The following PTPRD variants were observed in gnomAD, a reference collection of about 807,000 sequenced individuals.
The protein encoded by PTPRD is receptor-type tyrosine-protein phosphatase delta.
A neutral mutation model predicts 214.5 loss-of-function variants in PTPRD; 34 were observed. The ratio of observed to expected loss-of-function variants is 0.16; its 90% CI spans 0.12 to 0.21. The LOEUF (loss-of-function observed/expected upper bound fraction) is 0.21. Among genes scored for constraint, PTPRD ranks in the 10% least tolerant of loss-of-function variants. The pLI is 1.00. For missense variants in PTPRD, 2,545 were observed against 2,398.7 expected, an observed-to-expected ratio of 1.06 and a Z score of -1.27; for synonymous variants, 1,128 against 845.7, an observed-to-expected ratio of 1.33 and a Z score of -5.79.
intron 9 of PTPRD, among the ~76,000 whole-genome samples, chr9:9,243,738 G>A (rs1446270867): frequency 6.6e-6 from 1 of 152,152 alleles, no homozygotes; most frequent in Non-Finnish European, 1.5e-5. Context: ...ACAAGACAGG[G>A]ATGCCCTCTC....
chr9:8,981,908 G>A (rs2099314608), intron 11 of PTPRD, among the ~76,000 whole-genome samples: 1 of 151,924 alleles, frequency 6.6e-6, no homozygotes, highest in Admixed American at 6.6e-5. Flanking sequence ...TTTGTTGTTT[G>A]GAATCTCTTT....
At chr9:9,525,855 C>T (rs2074006198) in intron 8 of PTPRD, among the ~76,000 whole-genome samples, 1 of 151,262 alleles carries the variant, frequency 6.6e-6, no homozygotes, top group Non-Finnish European at 1.5e-5. Flanking sequence ...GTGTCAAACA[C>T]AACTTGACTG....
intron 11 of PTPRD, among the ~76,000 whole-genome samples, chr9:8,788,696 A>G (rs954302994): frequency 1.3e-5 from 2 of 152,360 alleles, no homozygotes; most frequent in South Asian, 4.1e-4. Flanking sequence ...CGAATCAGCC[A>G]TAACTGTTTT....
At chr9:10,237,654 C>T (rs933044500) in intron 3 of PTPRD, among the ~76,000 whole-genome samples, 4 of 151,876 alleles carry the variant, frequency 2.6e-5, no homozygotes, top group Non-Finnish European at 5.9e-5. Context: ...TTCCTTGACC[C>T]TCCTCTTCCT....
chr9:8,382,416 T>C (rs187016402), intron 37 of PTPRD, among the ~76,000 whole-genome samples: 2 of 152,262 alleles, frequency 1.3e-5, no homozygotes, highest in African/African-American at 2.4e-5. Flanking sequence ...AGGAGCAAAG[T>C]TGCATCTCCT....
chr9:10,396,678 G>C (rs1165878675), intron 2 of PTPRD, among the ~76,000 whole-genome samples: 1 of 151,936 alleles, frequency 6.6e-6, no homozygotes, highest in East Asian at 1.9e-4. Flanking sequence ...AATGAGATTT[G>C]GGAAATAACT....
At chr9:9,244,924 T>A (rs893369474) in intron 9 of PTPRD, among the ~76,000 whole-genome samples, 4 of 151,962 alleles carry the variant, frequency 2.6e-5, no homozygotes, top group Admixed American at 1.3e-4. Flanking sequence ...TACAAAGAAC[T>A]CAAACAAATG....
At chr9:8,962,045 TC>T (rs2099161408) in intron 11 of PTPRD, 1 of 152,300 alleles carries the variant, frequency 6.6e-6, no homozygotes, top group East Asian at 1.9e-4. Context: ...ACATGGGTTC[TC>T]ATAAAGTATC....
At chr9:10,502,950 C>G (rs1209616562) in intron 2 of PTPRD, among the ~76,000 whole-genome samples, 1 of 151,946 alleles carries the variant, frequency 6.6e-6, no homozygotes, top group Non-Finnish European at 1.5e-5. Flanking sequence ...GATTCAGTAT[C>G]TGTATTCTTT....
intron 8 of PTPRD, among the ~76,000 whole-genome samples, chr9:9,533,131 ATTTC>A (rs1569569066): frequency 6.6e-6 from 1 of 152,054 alleles, no homozygotes; most frequent in African/African-American, 2.4e-5. Flanking sequence ...TTGTTTATAT[ATTTC>A]TTTCTCTTGA....
At chr9:10,294,420 T>G (rs2095616446) in intron 3 of PTPRD, among the ~76,000 whole-genome samples, 1 of 151,938 alleles carries the variant, frequency 6.6e-6, no homozygotes, top group Non-Finnish European at 1.5e-5. Flanking sequence ...TTAAAAACAA[T>G]TATTTTATGT....
intron 14 of PTPRD, among the ~76,000 whole-genome samples, chr9:8,579,898 A>C (rs72696682): frequency 1.2e-3 from 180 of 152,330 alleles, no homozygotes; most frequent in South Asian, 2.1e-3. Flanking sequence ...TGACCAGGCT[A>C]AACAGTTCCC....
intron 2 of PTPRD, among the ~76,000 whole-genome samples, chr9:10,556,008 A>G (rs1392039086): frequency 6.6e-6 from 1 of 152,140 alleles, no homozygotes; most frequent in African/African-American, 2.4e-5. Context: ...TTAATTATAA[A>G]CCTTCAGATT....
intron 11 of PTPRD, among the ~76,000 whole-genome samples, chr9:8,896,648 T>C (rs552500069): frequency 1.8e-4 from 27 of 152,284 alleles, no homozygotes; most frequent in African/African-American, 6.0e-4. Context: ...TCTGAGATAA[T>C]ATCATCCCAT....
intron 9 of PTPRD, among the ~76,000 whole-genome samples, chr9:9,298,390 T>C (rs940337650): frequency 2.0e-5 from 3 of 151,724 alleles, no homozygotes; most frequent in African/African-American, 7.2e-5. Context: ...TTCATAACCT[T>C]TTCTTTTTAA....
chr9:10,081,231 C>T (rs1458160398), intron 3 of PTPRD, among the ~76,000 whole-genome samples: 8 of 151,952 alleles, frequency 5.3e-5, no homozygotes, highest in African/African-American at 1.9e-4. Flanking sequence ...AATAATACTA[C>T]TGTAATATAG....
chr9:10,037,725 T>C (rs1254622534), intron 3 of PTPRD, among the ~76,000 whole-genome samples: 2 of 152,146 alleles, frequency 1.3e-5, no homozygotes, highest in Non-Finnish European at 2.9e-5. Flanking sequence ...TTGGAAAAGA[T>C]GTCATTTATC....
At chr9:9,607,128 A>C (rs1049007029) in intron 7 of PTPRD, among the ~76,000 whole-genome samples, 1 of 152,054 alleles carries the variant, frequency 6.6e-6, no homozygotes, top group Non-Finnish European at 1.5e-5. Flanking sequence ...GACTGAATGC[A>C]ATGAGTTATT....
At chr9:9,407,501 C>A (rs1196934326) in intron 8 of PTPRD, among the ~76,000 whole-genome samples, 1 of 151,600 alleles carries the variant, frequency 6.6e-6, no homozygotes, top group Admixed American at 6.6e-5. Context: ...AAAGTGGATA[C>A]CTCTGAATAA....
Sources: gnomAD v4.1 joint callset for allele counts (sites outside exome capture counted in the v4.1 genomes callset) on GRCh38, gnomAD v4.1.1 for gene constraint, MANE v1.5 for transcripts, NCBI Gene and HGNC (gene_info 2026-07-23, HGNC 2026-07-21) for gene names.